The following RANBP2 variants were observed in gnomAD, a reference collection of about 807,000 sequenced individuals.
RANBP2 encodes the protein E3 SUMO-protein ligase RanBP2.
Under a neutral mutation model 303.6 loss-of-function variants are expected in RANBP2, and 57 were observed. The ratio of observed to expected loss-of-function variants is 0.19; its 90% confidence interval spans 0.15 to 0.23. RANBP2 has a LOEUF of 0.23. Ranked by LOEUF, RANBP2 falls within the 10% of genes least tolerant of loss-of-function variation. The pLI is 1.00. For synonymous variants in RANBP2, 1,167 were observed against 1,301.5 expected (o/e 0.90, Z 2.23); for missense variants, 3,138 against 3,780.8 (o/e 0.83, Z 4.46).
chr2:109,346,191 T>C, the RANBP2 span, among the ~76,000 whole-genome samples: 4 of 152,244 alleles, frequency 2.6e-5, no homozygotes, highest in Non-Finnish European at 5.9e-5. Flanking sequence ...GATTTTTTTT[T>C]TCTCTTCGAG....
the RANBP2 span, chr2:109,501,794 G>T: frequency 1.6e-6 from 1 of 620,120 alleles, no homozygotes; most frequent in Non-Finnish European, 2.9e-6. Context: ...CCTGGCGGGG[G>T]ATACCCTGGC....
the RANBP2 span, chr2:108,876,068 T>C: frequency 6.7e-7 from 1 of 1,483,026 alleles, no homozygotes. Context: ...AATTAAATAA[T>C]GTATTCATTT....
the RANBP2 span, chr2:109,617,623 T>G: frequency 1.2e-5 from 2 of 166,984 alleles, no homozygotes; most frequent in Non-Finnish European, 2.9e-5. Flanking sequence ...GCGGGGTGAA[T>G]GAACCCATGT....
intron 25 of RANBP2, among the ~76,000 whole-genome samples, chr2:108,778,544 C>G (rs1678034286): frequency 1.3e-5 from 2 of 152,132 alleles, no homozygotes; most frequent in Non-Finnish European, 2.9e-5. Context: ...ACTGTAGGCC[C>G]AGTTATGACC....
the RANBP2 span, among the ~76,000 whole-genome samples, chr2:109,406,328 T>G: frequency 6.6e-6 from 1 of 152,044 alleles, no homozygotes; most frequent in Non-Finnish European, 1.5e-5. Context: ...TTTAGAAAAA[T>G]TTCCTCATAA....
chr2:109,058,093 T>C, the RANBP2 span, among the ~76,000 whole-genome samples: 6 of 152,286 alleles, frequency 3.9e-5, no homozygotes, highest in African/African-American at 1.4e-4. Context: ...GTGCTGGCAG[T>C]GGAAGCCACG....
At chr2:108,761,897 T>A (rs1209158642) in intron 18 of RANBP2, among the ~76,000 whole-genome samples, 1 of 152,224 alleles carries the variant, frequency 6.6e-6, no homozygotes, top group African/African-American at 2.4e-5. Context: ...TCTCTTATTC[T>A]TCATGTCATA....
the RANBP2 span, among the ~76,000 whole-genome samples, chr2:109,299,749 ACT>A: frequency 5.9e-5 from 9 of 152,248 alleles, no homozygotes; most frequent in African/African-American, 1.9e-4. Flanking sequence ...CTTTTCTTTC[ACT>A]CTCTGCTCAG....
the RANBP2 span, chr2:108,839,137 T>C: frequency 6.5e-7 from 1 of 1,531,390 alleles, no homozygotes; most frequent in South Asian, 1.3e-5. Context: ...TTTAAGACAT[T>C]TAAAAATACT....
chr2:109,586,336 G>T, the RANBP2 span, among the ~76,000 whole-genome samples: 48,412 of 152,050 alleles, frequency 0.32, 7,939 homozygotes, highest in Admixed American at 0.42. Flanking sequence ...TGCAACCAAA[G>T]GCAGATAGAC....
chr2:108,829,661 G>T, the RANBP2 span, among the ~76,000 whole-genome samples: 1 of 152,182 alleles, frequency 6.6e-6, no homozygotes, highest in African/African-American at 2.4e-5. Flanking sequence ...CATGGGAATC[G>T]CTTGAACCTG....
At chr2:109,085,080 C>T in the RANBP2 span, among the ~76,000 whole-genome samples, 8 of 152,224 alleles carry the variant, frequency 5.3e-5, no homozygotes, top group East Asian at 3.9e-4. Context: ...ACCTCCTGGC[C>T]GCCAGGTAAG....
the RANBP2 span, among the ~76,000 whole-genome samples, chr2:109,447,174 GAAAA>G: frequency 9.8e-4 from 131 of 133,610 alleles, no homozygotes; most frequent in Admixed American, 1.1e-3. Context: ...AAAAAGAAAA[GAAAA>G]AGAAAAAGAA....
chr2:109,225,162 G>T, the RANBP2 span, among the ~76,000 whole-genome samples: 7 of 152,130 alleles, frequency 4.6e-5, no homozygotes, highest in Admixed American at 1.3e-4. Flanking sequence ...GTAAAATGAG[G>T]TTCTATGGCT....
chr2:109,210,040 C>G, the RANBP2 span, among the ~76,000 whole-genome samples: 1 of 152,278 alleles, frequency 6.6e-6, no homozygotes, highest in East Asian at 1.9e-4. Flanking sequence ...TTCTAGGGAC[C>G]GCAGAGTCAA....
At chr2:109,216,564 C>A in the RANBP2 span, among the ~76,000 whole-genome samples, 1 of 152,186 alleles carries the variant, frequency 6.6e-6, no homozygotes. Flanking sequence ...GAACACACAG[C>A]CCGAAGCCTG....
At chr2:109,078,345 A>G in the RANBP2 span, among the ~76,000 whole-genome samples, 1 of 142,318 alleles carries the variant, frequency 7.0e-6, no homozygotes, top group Non-Finnish European at 1.5e-5. Flanking sequence ...GCCTTAAAAA[A>G]GAAGGAAGTT....
the RANBP2 span, among the ~76,000 whole-genome samples, chr2:109,277,388 G>A: frequency 1.4e-4 from 21 of 152,112 alleles, no homozygotes; most frequent in African/African-American, 4.8e-4. Flanking sequence ...CCCCGGCCTC[G>A]GTGATGGAAA....
the RANBP2 span, among the ~76,000 whole-genome samples, chr2:108,960,727 G>T: frequency 6.6e-6 from 1 of 152,162 alleles, no homozygotes; most frequent in Non-Finnish European, 1.5e-5. Context: ...ACATTATTGA[G>T]ATTTTGATAT....
Sources: allele counts gnomAD v4.1 joint callset (sites outside exome capture counted in the v4.1 genomes callset), GRCh38; gene constraint gnomAD v4.1.1; transcripts MANE v1.5; gene names NCBI Gene and HGNC (gene_info 2026-07-23, HGNC 2026-07-21).